The following EPM2A variants were observed in gnomAD, a reference collection of about 807,000 sequenced individuals.
EPM2A encodes the protein EPM2A glucan phosphatase, laforin.
EPM2A carries 21 observed loss-of-function variants against 26.5 expected under a neutral mutation model. The ratio of observed to expected loss-of-function variants is 0.79; its 90% CI spans 0.56 to 1.14. EPM2A has a LOEUF of 1.14. Ranked by LOEUF, EPM2A falls within the 50% of genes most tolerant of loss-of-function variation. The pLI, the probability that EPM2A is intolerant of heterozygous loss-of-function variation, is 0.00. For synonymous variants in EPM2A, 217 were observed against 177.6 expected, an observed-to-expected ratio of 1.22 and a Z score of -1.76; for missense variants, 458 against 440.8, an observed-to-expected ratio of 1.04 and a Z score of -0.35.
In EPM2A at chr6:145,400,432, G is replaced by A. The variant is rs1305732083; in HGVS notation, c.556-16335C>T. Among the ~76,000 whole-genome samples the A allele has an allele frequency of 2.0e-5, 3 of 152,072 alleles. 1 individual carries two copies. In the South Asian group the frequency reaches 6.2e-4, roughly 31 times the overall value. On this transcript the variant is annotated intron_variant, in intron 4 of 4. Coordinates refer to the EPM2A transcript ENST00000638717. Reference sequence around the variant, plus strand: ...TTTCTTAAGAGTTAAACAGAAACCAGCCCATTCAAAAGATTTGTTCTACTG... The same window carrying A: ...TTTCTTAAGAGTTAAACAGAAACCAACCCATTCAAAAGATTTGTTCTACTG...
chr6:145,391,704 A>T (rs1778339147), intron 4 of EPM2A, among the ~76,000 whole-genome samples: 1 of 152,072 alleles, frequency 6.6e-6, no homozygotes, highest in South Asian at 2.1e-4. Context: ...AAATTTACAG[A>T]TTTTGTGACA....
At chr6:145,440,208 G>A (rs1020106578) in intron 4 of EPM2A, among the ~76,000 whole-genome samples, 2 of 152,156 alleles carry the variant, frequency 1.3e-5, no homozygotes, top group African/African-American at 4.8e-5. Context: ...ATCTCATATG[G>A]TGGCAGACAG....
chr6:145,733,007 G>A (rs1178069111), intron 1 of EPM2A, among the ~76,000 whole-genome samples: 2 of 152,124 alleles, frequency 1.3e-5, no homozygotes, highest in African/African-American at 4.8e-5. Context: ...TTAAACACTT[G>A]GCTACCCTGC....
In EPM2A at chr6:145,705,659, G is replaced by A. The variant is rs530436609; in HGVS notation, c.302-19363C>T. 62 of 433,984 alleles carry A rather than the reference G, an allele frequency of 1.4e-4. 1 individual carries two copies. Among genetic ancestry groups the A allele is most frequent in the South Asian group, 9.4e-4 (57 of 60,624 alleles). 26.9% of individuals were successfully genotyped at this position (433,984 alleles called of 1,614,324 possible). A position where few individuals can be genotyped will look rare whatever the true frequency, so the allele number is the denominator to read the frequency against. On this transcript the variant is annotated intron_variant, in intron 1 of 3. Transcript: ENST00000367519. ...TTGTTCACATTGTCATCATCTTCAT[G>A]CTGACCATCAAGGCAATCCCTATTT...
At chr6:145,521,908 T>C (rs968005997) in intron 2 of EPM2A, among the ~76,000 whole-genome samples, 2 of 152,220 alleles carry the variant, frequency 1.3e-5, no homozygotes, top group Non-Finnish European at 2.9e-5. Flanking sequence ...ATCCATGTCT[T>C]TATATCCTTT....
At chr6:145,603,417 C>CT (rs1229418036) in intron 2 of EPM2A, among the ~76,000 whole-genome samples, 1 of 152,118 alleles carries the variant, frequency 6.6e-6, no homozygotes, top group Admixed American at 6.5e-5. Flanking sequence ...GAACTGCATT[C>CT]TTTCTTTCAA....
intron 4 of EPM2A, among the ~76,000 whole-genome samples, chr6:145,388,363 A>G (rs1015943551): frequency 1.3e-5 from 2 of 152,024 alleles, no homozygotes; most frequent in East Asian, 1.9e-4. Context: ...TACTATAACC[A>G]TATACTACAG....
At chr6:145,383,889 T>C (rs1778223661) in exon 5 of EPM2A, 1 of 152,224 alleles carries the variant, frequency 6.6e-6, no homozygotes, top group South Asian at 2.1e-4. Context: ...CATCCACATA[T>C]CTTTTTCTCC....
intron 2 of EPM2A, among the ~76,000 whole-genome samples, chr6:145,593,307 C>T (rs984249346): frequency 6.6e-6 from 1 of 152,090 alleles, no homozygotes; most frequent in Non-Finnish European, 1.5e-5. Context: ...GAGACTAAAA[C>T]TGGTAAACTG....
downstream of EPM2A, among the ~76,000 whole-genome samples, chr6:145,496,863 G>C (rs1376251045): frequency 6.6e-6 from 1 of 151,106 alleles, no homozygotes; most frequent in Non-Finnish European, 1.5e-5. Flanking sequence ...TCAGCCTCCC[G>C]AGTAGCTGGG....
At chr6:145,535,862 T>G (rs888269274) in intron 2 of EPM2A, among the ~76,000 whole-genome samples, 18 of 152,376 alleles carry the variant, frequency 1.2e-4, no homozygotes, top group African/African-American at 4.1e-4. Context: ...CTTTTCCAAA[T>G]TGACTTTCAC....
intron 2 of EPM2A, among the ~76,000 whole-genome samples, chr6:145,545,095 C>T (rs2114798356): frequency 6.6e-6 from 1 of 152,284 alleles, no homozygotes; most frequent in South Asian, 2.1e-4. Flanking sequence ...GCAGTTCTTT[C>T]TATCACCTCT....
At chr6:145,698,694 T>C (rs1269273005) in intron 1 of EPM2A, among the ~76,000 whole-genome samples, 2 of 152,104 alleles carry the variant, frequency 1.3e-5, no homozygotes, top group African/African-American at 2.4e-5. Flanking sequence ...CCCATTGTTA[T>C]GGACTGTATT....
rs931858250 is a variant in EPM2A, at chr6:145,665,534, C to T, written c.476+20588G>A. Among the ~76,000 whole-genome samples the T allele has an allele frequency of 4.0e-4, 55 of 136,054 alleles. 2 individuals are homozygous for T. Among genetic ancestry groups the T allele is most frequent in the Non-Finnish European group, 1.6e-5 (1 of 63,948 alleles). 89.3% of individuals were successfully genotyped at this position (136,054 alleles called of 152,430 possible). On this transcript the variant is annotated intron_variant, in intron 2 of 3. Coordinates refer to ENST00000367519, the MANE Select transcript of EPM2A (RefSeq NM_005670.4). ...GAGGCAATAATCAATAGTTTACCAACCAAAAAGAGTCCAGGACCAGATGGA... is the reference window on the plus strand; with the variant it reads ...GAGGCAATAATCAATAGTTTACCAATCAAAAAGAGTCCAGGACCAGATGGA...
chr6:145,636,167 A>G (rs1375544910), intron 2 of EPM2A: 1 of 152,492 alleles, frequency 6.6e-6, no homozygotes, highest in Admixed American at 6.5e-5. Context: ...AAAAATTTTA[A>G]TAACCCTTTA....
At chr6:145,691,644 C>CA (rs1192878435) in intron 1 of EPM2A, among the ~76,000 whole-genome samples, 2 of 151,842 alleles carry the variant, frequency 1.3e-5, no homozygotes, top group Non-Finnish European at 2.9e-5. Context: ...TGAGGAAGGA[C>CA]AAACGAATGA....
At chr6:145,612,326 G>A (rs1186031808) in intron 2 of EPM2A, among the ~76,000 whole-genome samples, 3 of 152,102 alleles carry the variant, frequency 2.0e-5, no homozygotes, top group Non-Finnish European at 4.4e-5. Flanking sequence ...GGTAAAATGG[G>A]TAGAAATACA....
intron 2 of EPM2A, among the ~76,000 whole-genome samples, chr6:145,508,221 A>G (rs1780005811): frequency 6.6e-6 from 1 of 152,216 alleles, no homozygotes; most frequent in Non-Finnish European, 1.5e-5. Flanking sequence ...GTGGACTGAC[A>G]GAGGCCACTT....
chr6:145,545,185 G>T (rs1482303931), intron 2 of EPM2A, among the ~76,000 whole-genome samples: 1 of 131,774 alleles, frequency 7.6e-6, no homozygotes, highest in Non-Finnish European at 1.7e-5. Flanking sequence ...TTATTACTTA[G>T]AAAGAGCTGC....
Sources: gnomAD v4.1 joint callset for allele counts (sites outside exome capture counted in the v4.1 genomes callset) on GRCh38, gnomAD v4.1.1 for gene constraint, MANE v1.5 for transcripts, NCBI Gene and HGNC (gene_info 2026-07-23, HGNC 2026-07-21) for gene names.